The following DCTD variants were observed in gnomAD, a reference collection of about 807,000 sequenced individuals.
DCTD encodes deoxycytidylate deaminase.
DCTD carries 23 observed loss-of-function variants against 21.0 expected under a neutral mutation model. The ratio of observed to expected loss-of-function variants is 1.09; its 90% CI spans 0.79 to 1.55. The LOEUF (loss-of-function observed/expected upper bound fraction) is 1.55. Ranked by LOEUF, DCTD falls within the 40% of genes most tolerant of loss-of-function variation. The probability of loss-of-function intolerance (pLI) is 0.00; values close to 1 mark genes in which losing one functional copy is unlikely to be tolerated. For synonymous variants in DCTD, 71 were observed against 81.1 expected (o/e 0.88, Z 0.67); for missense variants, 224 against 230.0 (o/e 0.97, Z 0.17).
intron 3 of DCTD, among the ~76,000 whole-genome samples, chr4:182,912,930 C>T (rs763057889): frequency 2.6e-5 from 4 of 152,168 alleles, no homozygotes; most frequent in African/African-American, 4.8e-5. Context: ...CCGCCATCCC[C>T]CCAGAATTCC....
chr4:182,898,195 T>C (rs1288629044), intron 3 of DCTD, among the ~76,000 whole-genome samples: 1 of 152,260 alleles, frequency 6.6e-6, no homozygotes, highest in Non-Finnish European at 1.5e-5. Context: ...GAGCACTCGA[T>C]GACTGCCTGG....
At chr4:182,910,339 A>C (rs1040526141) in intron 3 of DCTD, among the ~76,000 whole-genome samples, 14 of 152,202 alleles carry the variant, frequency 9.2e-5, no homozygotes, top group African/African-American at 2.4e-4. Context: ...CAACTCTCTA[A>C]TTTGTAAACT....
At chr4:182,892,222 A>G (rs923800573) in intron 5 of DCTD, among the ~76,000 whole-genome samples, 7 of 152,204 alleles carry the variant, frequency 4.6e-5, no homozygotes, top group Non-Finnish European at 1.0e-4. Flanking sequence ...CGCCAATACC[A>G]TGAAGCGCTG....
At chr4:182,894,287 T>G (rs1734322813) in intron 4 of DCTD, among the ~76,000 whole-genome samples, 2 of 152,206 alleles carry the variant, frequency 1.3e-5, no homozygotes, top group South Asian at 4.1e-4. Context: ...ATTAAAAACA[T>G]GCTAAGAATC....
At chr4:182,896,227 T>C (rs541846491) in intron 3 of DCTD, among the ~76,000 whole-genome samples, 1 of 152,184 alleles carries the variant, frequency 6.6e-6, no homozygotes, top group Non-Finnish European at 1.5e-5. Flanking sequence ...GTCAGAGAGA[T>C]GAAGGCCTGG....
chr4:182,913,141 C>G (rs1475024685), intron 3 of DCTD, among the ~76,000 whole-genome samples: 3 of 152,190 alleles, frequency 2.0e-5, no homozygotes, highest in African/African-American at 7.2e-5. Flanking sequence ...TCCCTTCTTT[C>G]TTACCATCAA....
At chr4:182,909,332 G>A (rs35709318) in intron 3 of DCTD, among the ~76,000 whole-genome samples, 9,237 of 152,206 alleles carry the variant, frequency 0.061, 336 homozygotes, top group South Asian at 0.099. Flanking sequence ...CTGTTTATCT[G>A]AAACCCCACA....
At chr4:182,904,712 C>T (rs1192430103) in intron 3 of DCTD, among the ~76,000 whole-genome samples, 1 of 152,126 alleles carries the variant, frequency 6.6e-6, no homozygotes, top group African/African-American at 2.4e-5. Flanking sequence ...CTTCTCTTCT[C>T]CCGGCATCCA....
At chr4:182,904,779 C>T (rs1395289100) in intron 3 of DCTD, among the ~76,000 whole-genome samples, 1 of 152,152 alleles carries the variant, frequency 6.6e-6, no homozygotes, top group East Asian at 1.9e-4. Flanking sequence ...CGGAATGGTG[C>T]AACTGATCAC....
intron 3 of DCTD, among the ~76,000 whole-genome samples, chr4:182,907,618 C>A (rs748441773): frequency 6.6e-6 from 1 of 150,834 alleles, no homozygotes; most frequent in East Asian, 2.0e-4. Context: ...GAGGGAAAGG[C>A]GCCTGTTTCT....
intron 1 of DCTD, chr4:182,916,741 G>A (rs1055143387): frequency 9.1e-7 from 1 of 1,099,424 alleles, no homozygotes; most frequent in Admixed American, 4.1e-5. Context: ...TAGGAGGGAG[G>A]GGGAGCCATG....
intron 3 of DCTD, among the ~76,000 whole-genome samples, chr4:182,903,060 C>T (rs1051356407): frequency 8.5e-5 from 13 of 152,084 alleles, no homozygotes; most frequent in African/African-American, 2.7e-4. Context: ...CTCTCAGCTA[C>T]GAATAGGAAT....
intron 3 of DCTD, among the ~76,000 whole-genome samples, chr4:182,901,226 G>A (rs555546534): frequency 6.6e-6 from 1 of 152,192 alleles, no homozygotes; most frequent in South Asian, 2.1e-4. Flanking sequence ...TAATTTAGCA[G>A]TGATAGTGTT....
At chr4:182,901,054 T>C (rs776438184) in intron 3 of DCTD, among the ~76,000 whole-genome samples, 4 of 152,234 alleles carry the variant, frequency 2.6e-5, no homozygotes, top group Non-Finnish European at 5.9e-5. Flanking sequence ...ATTCCATCCC[T>C]GGTTAGATTT....
rs559651525 is a variant in DCTD at position 182,896,550 on chromosome 4, C to G, written c.245-1945G>C. On this transcript the variant is annotated intron_variant, in intron 3 of 5. Coordinates refer to ENST00000438320, the MANE Select transcript of DCTD (RefSeq NM_001921.3). ...GACCAGAGCCATGCCCCGAGACTTG[C>G]AGGTCTCATAAACCCTGACGGCATG... is the stretch of plus-strand genomic sequence containing the variant. 2.6e-5 allele frequency among the ~76,000 whole-genome samples: 4 copies of G among 152,270 alleles called. No homozygotes were observed. In the East Asian group the frequency reaches 7.7e-4, roughly 29 times the overall value.
Position 182,917,093 on chromosome 4 carries a change from A to C in DCTD, c.-8+218T>G. On this transcript the variant is annotated intron_variant, in intron 1 of 5. Coordinates refer to ENST00000438320, the MANE Select transcript of DCTD (RefSeq NM_001921.3). The surrounding 1 kb of genome is among the most constrained non-coding windows in gnomAD (Gnocchi z 4.9). ...CTCGCACAGGCCGCGGCGCCCGCCGAGAAATCGACCCTGGAGTGACTGCGG... is the reference window on the plus strand; with the variant it reads ...CTCGCACAGGCCGCGGCGCCCGCCGCGAAATCGACCCTGGAGTGACTGCGG... The C allele has an allele frequency of 1.0e-6, 1 of 987,510 alleles. No individual in the cohort carries two copies. The highest frequency in any genetic ancestry group is 4.7e-5 in the South Asian group (1 of 21,370). The allele number at this position is 987,510 out of a possible 1,614,324, so 61.2% of individuals were successfully genotyped here. A position where few individuals can be genotyped will look rare whatever the true frequency, so the allele number is the denominator to read the frequency against.
At chr4:182,913,153 A>ATTTT (rs1319967292) in intron 3 of DCTD, among the ~76,000 whole-genome samples, 1 of 152,184 alleles carries the variant, frequency 6.6e-6, no homozygotes, top group Non-Finnish European at 1.5e-5. Context: ...TACCATCAAA[A>ATTTT]GCTTATAGAA....
At chr4:182,894,452 A>G (rs1160910002) in intron 4 of DCTD, 37 bp downstream of exon 4, 1 of 1,240,718 alleles carries the variant, frequency 8.1e-7, no homozygotes, top group East Asian at 2.3e-5. Flanking sequence ...AGCAGGCAGC[A>G]ATGCAAATGT....
At chr4:182,904,755 C>G (rs1241593815) in intron 3 of DCTD, among the ~76,000 whole-genome samples, 3 of 142,298 alleles carry the variant, frequency 2.1e-5, no homozygotes, top group Admixed American at 6.8e-5. Context: ...AACCGATGAC[C>G]CTGCTTCCTC....
Sources: gnomAD v4.1 joint callset for allele counts (sites outside exome capture counted in the v4.1 genomes callset) on GRCh38, gnomAD v4.1.1 for gene constraint, Gnocchi (gnomAD v3.1) non-coding constraint, MANE v1.5 for transcripts, NCBI Gene and HGNC (gene_info 2026-07-23, HGNC 2026-07-21) for gene names.